Variants in AOAH observed in about 807,000 individuals in gnomAD.
AOAH encodes acyloxyacyl hydrolase (neutrophil).
AOAH carries 64 observed loss-of-function variants against 92.2 expected under a neutral mutation model. The ratio of observed to expected loss-of-function variants is 0.69; its 90% confidence interval spans 0.57 to 0.86. AOAH has a LOEUF of 0.86. AOAH is among the 40% of genes least tolerant of loss of function. The pLI, the probability that AOAH is intolerant of heterozygous loss-of-function variation, is 0.00. For synonymous variants in AOAH, 263 were observed against 254.5 expected, an observed-to-expected ratio of 1.03 and a Z score of -0.32; for missense variants, 656 against 694.6, an observed-to-expected ratio of 0.94 and a Z score of 0.62.
At chr7:36,572,878 C>T (rs966709592) in intron 13 of AOAH, among the ~76,000 whole-genome samples, 1 of 152,172 alleles carries the variant, frequency 6.6e-6, no homozygotes, top group South Asian at 2.1e-4. Flanking sequence ...CTGCCTTATC[C>T]CACTGAGTTT....
chr7:36,681,660 C>T lies in AOAH; in HGVS notation c.223+5039G>A, dbSNP rs140640884. 4.4e-3 allele frequency among the ~76,000 whole-genome samples: 677 copies of T among 152,180 alleles called. 4 individuals are homozygous for T. The highest frequency in any genetic ancestry group is 0.016 in the African/African-American group (655 of 41,516). Reference sequence around the variant, plus strand: ...TGTCTACTAAAAATGCAAAAATTAGCCAGGCATCCTGATGGGTATAATCCC... The same window carrying T: ...TGTCTACTAAAAATGCAAAAATTAGTCAGGCATCCTGATGGGTATAATCCC... On this transcript the variant is annotated intron_variant, in intron 2 of 20. Transcript: ENST00000617537.
chr7:36,611,462 G>T (rs1467280512), intron 11 of AOAH, among the ~76,000 whole-genome samples: 3 of 152,198 alleles, frequency 2.0e-5, no homozygotes, highest in African/African-American at 7.2e-5. Flanking sequence ...ATTCATTGCT[G>T]CAAACAGCAG....
At position 36,621,732 on chromosome 7, in the gene AOAH, C is replaced by T. The variant is rs202089348; in HGVS notation, c.631G>A (p.Glu211Lys). ...TACCTTCTACCTGGGTACACTGACT[C>T]GTCGCTGTCATTACAGTCTCTCCCC... ...WRGRDCNDSD[E>K]SVYPGRRPNN... The change falls in exon 8 of 21, where the codon GAG becomes AAG. Residue 211 changes from glutamate (E) to lysine (K), a missense_variant. Transcript: ENST00000617537. 122 of 1,614,076 alleles carry T rather than the reference C, an allele frequency of 7.6e-5. No individual in the cohort carries two copies. The highest frequency in any genetic ancestry group is 2.0e-4 in the African/African-American group (15 of 75,028).
chr7:36,677,610 T>TTATA (rs765750682), intron 2 of AOAH, among the ~76,000 whole-genome samples: 1 of 151,620 alleles, frequency 6.6e-6, no homozygotes, highest in Non-Finnish European at 1.5e-5. Context: ...GTGATCCAGT[T>TTATA]TATATATATA....
chr7:36,616,245 T>C, intron 11 of AOAH, 135 bp downstream of exon 11: 1 of 701,210 alleles, frequency 1.4e-6, no homozygotes. Context: ...TGACTGTGGA[T>C]ATGCCTTTCA....
At chr7:36,639,849 A>T (rs914475936) in intron 4 of AOAH, among the ~76,000 whole-genome samples, 5 of 152,206 alleles carry the variant, frequency 3.3e-5, no homozygotes, top group Non-Finnish European at 7.3e-5. Context: ...AAGGGGACTG[A>T]CCTCGAGCAA....
chr7:36,605,445 C>T (rs974370238), intron 11 of AOAH, among the ~76,000 whole-genome samples: 1 of 152,114 alleles, frequency 6.6e-6, no homozygotes. Flanking sequence ...ACATAATTAA[C>T]CAGGGGACAA....
At chr7:36,588,304 G>C (rs1182643929) in intron 12 of AOAH, among the ~76,000 whole-genome samples, 2 of 152,176 alleles carry the variant, frequency 1.3e-5, no homozygotes, top group African/African-American at 2.4e-5. Context: ...GAAAGCCTTA[G>C]TATTGTTGTG....
intron 13 of AOAH, among the ~76,000 whole-genome samples, chr7:36,558,232 G>A (rs545099135): frequency 6.6e-6 from 1 of 152,156 alleles, no homozygotes; most frequent in African/African-American, 2.4e-5. Context: ...AGGTCTGTTG[G>A]AGTTTGCTAG....
intron 19 of AOAH, 103 bp downstream of exon 19, chr7:36,530,315 G>A (rs780468700): frequency 1.7e-5 from 13 of 768,154 alleles, no homozygotes; most frequent in South Asian, 4.7e-5. Context: ...TAACCCTGCC[G>A]AATCTGCTGC....
At position 36,620,794 on chromosome 7, in the gene AOAH, C is replaced by T. The variant is rs928117310; in HGVS notation, c.689G>A (p.Cys230Tyr). 8 of 1,613,658 alleles carry T rather than the reference C, an allele frequency of 5.0e-6. No homozygotes were observed. The Admixed American group carries it at 1.3e-4, about 27-fold the overall frequency. ...NNWDVHQDSN[C>Y]NGIWGVDPKD... ...TTAGTTGCTTACCCAAATGCCATTA[C>T]AGTTTGAATCCTGATGGACATCCCA... The change falls in exon 9 of 21, where the codon TGT becomes TAT. Residue 230 changes from cysteine to tyrosine, a missense_variant. Transcript: ENST00000617537.
chr7:36,623,530 T>C (rs1332510861), intron 6 of AOAH, among the ~76,000 whole-genome samples: 1 of 152,222 alleles, frequency 6.6e-6, no homozygotes, highest in Non-Finnish European at 1.5e-5. Flanking sequence ...GCAAGGGGTA[T>C]TGATGTTGAG....
chr7:36,665,763 T>C (rs569425691), intron 3 of AOAH, among the ~76,000 whole-genome samples: 1 of 152,250 alleles, frequency 6.6e-6, no homozygotes, highest in East Asian at 1.9e-4. Flanking sequence ...CACAAATGAA[T>C]ATTGGATTTT....
chr7:36,673,278 A>T (rs1173478453), intron 3 of AOAH, among the ~76,000 whole-genome samples: 2 of 152,218 alleles, frequency 1.3e-5, no homozygotes. Flanking sequence ...GGTGGCTCAT[A>T]TCTGTAATTC....
chr7:36,526,053 A>G (rs1215548136), intron 19 of AOAH, among the ~76,000 whole-genome samples: 1 of 152,180 alleles, frequency 6.6e-6, no homozygotes, highest in Admixed American at 6.5e-5. Flanking sequence ...CAGCAATTCT[A>G]AATAATGTCG....
At chr7:36,578,351 T>C (rs1788680696) in intron 12 of AOAH, among the ~76,000 whole-genome samples, 2 of 152,186 alleles carry the variant, frequency 1.3e-5, no homozygotes, top group Non-Finnish European at 2.9e-5. Context: ...TGATAGAGTA[T>C]GCTAGAAAGT....
At chr7:36,586,896 T>C (rs1789371953) in intron 12 of AOAH, among the ~76,000 whole-genome samples, 1 of 152,194 alleles carries the variant, frequency 6.6e-6, no homozygotes, top group Admixed American at 6.5e-5. Flanking sequence ...AGATCTTTAA[T>C]GTCTGGCTTA....
intron 1 of AOAH, among the ~76,000 whole-genome samples, chr7:36,693,895 T>C (rs1352863100): frequency 1.3e-5 from 2 of 152,228 alleles, no homozygotes; most frequent in African/African-American, 2.4e-5. Flanking sequence ...ACATGTTTAC[T>C]TGAATAAATA....
chr7:36,657,254 T>C (rs530906294), intron 4 of AOAH, among the ~76,000 whole-genome samples: 11 of 152,202 alleles, frequency 7.2e-5, no homozygotes, highest in Non-Finnish European at 1.6e-4. Context: ...AACCAATCTC[T>C]GAGTAGAACA....
Sources: gnomAD v4.1 joint callset for allele counts (sites outside exome capture counted in the v4.1 genomes callset) on GRCh38, gnomAD v4.1.1 for gene constraint, MANE v1.5 for transcripts, NCBI Gene and HGNC (gene_info 2026-07-23, HGNC 2026-07-21) for gene names.